The following FAM20A variants were observed in gnomAD, a reference collection of about 807,000 sequenced individuals.
The protein encoded by FAM20A is FAM20A golgi associated secretory pathway pseudokinase.
Under a neutral mutation model 52.0 loss-of-function variants are expected in FAM20A, and 42 were observed. The observed-to-expected ratio is 0.81, with a 90% CI of 0.63 to 1.04. The LOEUF is 1.04. Ranked by LOEUF, FAM20A falls within the 50% of genes least tolerant of loss-of-function variation. FAM20A has a pLI of 0.00. For missense variants in FAM20A, 742 were observed against 712.7 expected, an observed-to-expected ratio of 1.04 and a Z score of -0.47; for synonymous variants, 304 against 298.9, an observed-to-expected ratio of 1.02 and a Z score of -0.18.
chr17:68,569,210 G>A (rs1175478372), intron 1 of FAM20A, among the ~76,000 whole-genome samples: 1 of 152,076 alleles, frequency 6.6e-6, no homozygotes, highest in East Asian at 1.9e-4. Flanking sequence ...AATTCCAGGA[G>A]TTATCCTTGA....
At chr17:68,589,681 C>A (rs2952304) in intron 1 of FAM20A, among the ~76,000 whole-genome samples, 123,495 of 152,162 alleles carry the variant, frequency 0.81, 50,703 homozygotes, top group African/African-American at 0.93. Context: ...CTAGAAGTGG[C>A]AGCTTCTTTT....
At chr17:68,544,484 G>A (rs2086457830) in intron 4 of FAM20A, among the ~76,000 whole-genome samples, 1 of 152,188 alleles carries the variant, frequency 6.6e-6, no homozygotes, top group African/African-American at 2.4e-5. Flanking sequence ...ATGGAAGAAT[G>A]ATGATCTTCG....
intron 1 of FAM20A, among the ~76,000 whole-genome samples, chr17:68,586,329 T>C (rs1210011199): frequency 6.6e-6 from 1 of 152,234 alleles, no homozygotes; most frequent in East Asian, 1.9e-4. Flanking sequence ...GGTAACTGCA[T>C]GGCCTTTGTA....
intron 1 of FAM20A, among the ~76,000 whole-genome samples, chr17:68,588,127 TA>T (rs747336414): frequency 1.2e-4 from 17 of 141,786 alleles, no homozygotes; most frequent in Admixed American, 1.4e-4. Context: ...GCTTTTGACG[TA>T]AAAAAAAAAA....
chr17:68,588,375 C>A (rs1437658088), intron 1 of FAM20A, among the ~76,000 whole-genome samples: 1 of 152,208 alleles, frequency 6.6e-6, no homozygotes, highest in Admixed American at 6.5e-5. Context: ...TTTGCCCCTG[C>A]CCCAGGGAAC....
chr17:68,542,513 T>C (rs2086347908), intron 6 of FAM20A, among the ~76,000 whole-genome samples, 181 bp downstream of exon 6: 1 of 152,074 alleles, frequency 6.6e-6, no homozygotes, highest in Non-Finnish European at 1.5e-5. Context: ...ACCTTTCCCA[T>C]CCAGTTCATC....
chr17:68,600,124 C>G lies in FAM20A; in HGVS notation c.404+139G>C, dbSNP rs1004251994. 14 of 1,042,482 alleles carry G rather than the reference C, an allele frequency of 1.3e-5. No homozygotes were observed. The highest frequency in any genetic ancestry group is 1.3e-4 in the South Asian group (8 of 61,360). The allele number at this position is 1,042,482 out of a possible 1,614,324, so 64.6% of individuals were successfully genotyped here. A position where few individuals can be genotyped will look rare whatever the true frequency, so the allele number is the denominator to read the frequency against. On this transcript the variant is annotated intron_variant, in intron 1 of 10. Coordinates refer to ENST00000592554, the MANE Select transcript of FAM20A (RefSeq NM_017565.4). This position sits in a 1 kb window ranked among gnomAD's most constrained non-coding sequence, Gnocchi z 6.2. Reference sequence around the variant, plus strand: ...GTGGGGTTCGGGTGGGGAACACACTCTAAGCCCAGCGCCAGGGCTGGAGCC... The same window carrying G: ...GTGGGGTTCGGGTGGGGAACACACTGTAAGCCCAGCGCCAGGGCTGGAGCC...
intron 4 of FAM20A, among the ~76,000 whole-genome samples, chr17:68,547,698 T>G (rs758478567): frequency 2.9e-4 from 44 of 152,258 alleles, no homozygotes; most frequent in Non-Finnish European, 5.9e-4. Flanking sequence ...AAGCTTTGGC[T>G]TAAGGGAATG....
In FAM20A at chr17:68,547,019, T is replaced by A. The variant is rs181652136; in HGVS notation, c.720-3298A>T. Among the ~76,000 whole-genome samples, 7 of 151,984 alleles carry A rather than the reference T, an allele frequency of 4.6e-5. No homozygotes were observed. The East Asian group carries it at 1.4e-3, about 29-fold the overall frequency. Reference sequence around the variant, plus strand: ...ATATTTTGAAAGGAATCTTTTTTTTTTTCTTTTTCCCCTGAGCAGTAAGGT... The same window carrying A: ...ATATTTTGAAAGGAATCTTTTTTTTATTCTTTTTCCCCTGAGCAGTAAGGT... On this transcript the variant is annotated intron_variant, in intron 4 of 10. Transcript: ENST00000592554.
rs34824326 is a variant in FAM20A at position 68,551,688 on chromosome 17, AATTATTATTATT to A, written c.719+173_719+184del. ...AAAAAGACAAGCTCTTAGTATTTTC[AATTATTATTATT>A]ATTATTATTATTATTATTATTATTA... is the stretch of plus-strand genomic sequence containing the variant. On this transcript the variant is annotated intron_variant, in intron 4 of 10. Transcript: ENST00000592554. 7.7e-3 allele frequency among the ~76,000 whole-genome samples: 1,036 copies of A among 134,848 alleles called. 21 individuals carry two copies. The highest frequency in any genetic ancestry group is 0.016 in the African/African-American group (563 of 35,786). The allele number at this position is 134,848 out of a possible 152,430, so 88.5% of individuals were successfully genotyped here. A position where few individuals can be genotyped will look rare whatever the true frequency, so the allele number is the denominator to read the frequency against.
chr17:68,547,846 C>A (rs2086639431), intron 4 of FAM20A, among the ~76,000 whole-genome samples: 1 of 152,240 alleles, frequency 6.6e-6, no homozygotes, highest in South Asian at 2.1e-4. Flanking sequence ...TTTGCATTCA[C>A]AACTTGCCTG....
chr17:68,543,571 C>A (rs781637248), intron 5 of FAM20A, 58 bp downstream of exon 5: 1 of 1,480,956 alleles, frequency 6.8e-7, no homozygotes, highest in Non-Finnish European at 9.4e-7. Flanking sequence ...TGTCTAGCCA[C>A]CCCTCCCAGA....
In FAM20A at chr17:68,535,275, A is replaced by C. The variant is rs973685433; in HGVS notation, c.*2202T>G. The C allele has an allele frequency of 4.4e-6, 2 of 454,048 alleles. No individual in the cohort carries two copies. Among genetic ancestry groups the C allele is most frequent in the Admixed American group, 2.3e-5 (1 of 42,574 alleles). The allele number at this position is 454,048 out of a possible 1,614,324, so 28.1% of individuals were successfully genotyped here. A position where few individuals can be genotyped will look rare whatever the true frequency, so the allele number is the denominator to read the frequency against. On this transcript the variant is annotated 3_prime_UTR_variant, in exon 11 of 11. Transcript: ENST00000592554. ...AAAAGTAATGGAAGGTTGAAAGATA[A>C]GTGAATAATAAGGTAGGTGTACCAC...
At chr17:68,552,314 C>A (rs1010842633) in intron 3 of FAM20A, among the ~76,000 whole-genome samples, 1 of 151,964 alleles carries the variant, frequency 6.6e-6, no homozygotes, top group Non-Finnish European at 1.5e-5. Context: ...TTACTGAAAA[C>A]CCTGAAGAAT....
At chr17:68,584,792 C>T (rs1197038247) in intron 1 of FAM20A, among the ~76,000 whole-genome samples, 2 of 152,196 alleles carry the variant, frequency 1.3e-5, no homozygotes, top group South Asian at 2.1e-4. Flanking sequence ...AGAGCTGCTG[C>T]GGACCAACTG....
chr17:68,556,668 G>A (rs1162844930), intron 1 of FAM20A, among the ~76,000 whole-genome samples: 4 of 152,132 alleles, frequency 2.6e-5, no homozygotes, highest in Admixed American at 1.3e-4. Context: ...AGAAACGGAT[G>A]TATCTGGGGA....
intron 1 of FAM20A, among the ~76,000 whole-genome samples, chr17:68,587,165 C>T (rs1291141776): frequency 2.6e-5 from 4 of 152,074 alleles, no homozygotes; most frequent in Admixed American, 6.6e-5. Context: ...CCCAAAGTGC[C>T]GGGATTATAG....
chr17:68,540,064 T>TGAGAGACAGGGGTGTGAAC, intron 8 of FAM20A, 98 bp from the exon 9 acceptor site: 1 of 1,028,458 alleles, frequency 9.7e-7, no homozygotes. Context: ...TGTCATCACT[T>TGAGAGACAGGGGTGTGAAC]GAGAGACAGG....
rs563132933 is a variant in FAM20A, at chr17:68,600,304, C to T, written c.363G>A (p.Glu121=). 3.2e-6 allele frequency: 5 copies of T among 1,583,904 alleles called. No individual in the cohort carries two copies. In the South Asian group the frequency reaches 4.6e-5, roughly 15 times the overall value. The part of the protein sequence containing the change: ...GAEDSLLASQ[E]ALRYYRRKVA... ...CCTTCCTCCGGTAATACCGCAGCGC[C>T]TCCTGGCTGGCCAGGAGCGAGTCCT... Residue 121 remains glutamate (E), a synonymous_variant, in exon 1 of 11, where the codon GAG becomes GAA. Transcript: ENST00000592554. The surrounding 1 kb of genome is among the most constrained non-coding windows in gnomAD (Gnocchi z 6.2).
Sources: gnomAD v4.1 joint callset for allele counts (sites outside exome capture counted in the v4.1 genomes callset) on GRCh38, gnomAD v4.1.1 for gene constraint, Gnocchi (gnomAD v3.1) non-coding constraint, MANE v1.5 for transcripts, NCBI Gene and HGNC (gene_info 2026-07-23, HGNC 2026-07-21) for gene names.